GABRA5: variants seen among roughly 807,000 people sequenced by gnomAD.
GABRA5 encodes the protein gamma-aminobutyric acid receptor subunit alpha-5.
A neutral mutation model predicts 47.3 loss-of-function variants in GABRA5; 18 were observed. That is an observed-to-expected ratio of 0.38 (90% CI 0.26 to 0.56). The LOEUF (loss-of-function observed/expected upper bound fraction) is 0.56, where lower values mean the gene tolerates loss of function less well. GABRA5 is among the 20% of genes least tolerant of loss of function. The pLI, the probability that GABRA5 is intolerant of heterozygous loss-of-function variation, is 0.71. For missense variants in GABRA5, 365 were observed against 599.3 expected (o/e 0.61, Z 4.08); for synonymous variants, 237 against 229.3 (o/e 1.03, Z -0.30).
intron 7 of GABRA5, 138 bp from the exon 8 acceptor site, chr15:26,937,047 A>T: frequency 1.0e-6 from 1 of 985,344 alleles, no homozygotes; most frequent in Non-Finnish European, 1.6e-6. Context: ...CAACCACCCT[A>T]TGCATTTTTT....
chr15:26,914,655 A>G, intron 6 of GABRA5, 148 bp from the exon 7 acceptor site: 1 of 636,604 alleles, frequency 1.6e-6, no homozygotes, highest in Non-Finnish European at 2.8e-6. Context: ...ACACAAACTT[A>G]CGTAATTTGG....
intron 7 of GABRA5, among the ~76,000 whole-genome samples, chr15:26,933,253 G>C (rs1314923410): frequency 1.3e-5 from 2 of 152,178 alleles, no homozygotes; most frequent in Non-Finnish European, 2.9e-5. Flanking sequence ...GTGGTGGCCA[G>C]ATATGAAAAG....
Position 26,883,611 on chromosome 15 carries a change from G to C in GABRA5, c.497+54G>C. On this transcript the variant is annotated intron_variant, in intron 6 of 10. Transcript: ENST00000335625. The surrounding 1 kb of genome is among the most constrained non-coding windows in gnomAD (Gnocchi z 4.8). ...CGGGGGACGGTGCGGGGCAGGCGCGGCTGCCCATCCTGCCGCAAGAGCTGC... is the reference window on the plus strand; with the variant it reads ...CGGGGGACGGTGCGGGGCAGGCGCGCCTGCCCATCCTGCCGCAAGAGCTGC... 7.4e-7 allele frequency: 1 copy of C among 1,352,236 alleles called. No individual in the cohort carries two copies. The highest frequency in any genetic ancestry group is 2.6e-5 in the East Asian group (1 of 38,608). The allele number at this position is 1,352,236 out of a possible 1,614,324, so 83.8% of individuals were successfully genotyped here. A position where few individuals can be genotyped will look rare whatever the true frequency, so the allele number is the denominator to read the frequency against.
In GABRA5 at chr15:26,880,980, T is replaced by C. The variant is rs749401866; in HGVS notation, c.208+13T>C. On this transcript the variant is annotated intron_variant, in intron 4 of 10. Coordinates refer to ENST00000335625, the MANE Select transcript of GABRA5 (RefSeq NM_000810.4). ...CCCGGGCTGGGAGGTGAGTGTGCTC[T>C]CCTCAGCTGAGCCCAGCAAGGATCC... 2 of 1,613,310 alleles carry C rather than the reference T, an allele frequency of 1.2e-6. No homozygotes were observed. Among genetic ancestry groups the C allele is most frequent in the South Asian group, 1.1e-5 (1 of 90,942 alleles).
In GABRA5 at chr15:26,937,226, G is replaced by A. The variant is rs755540999; in HGVS notation, c.622G>A (p.Gly208Ser). The A allele has an allele frequency of 2.5e-6, 4 of 1,613,958 alleles. No homozygotes were observed. The highest frequency in any genetic ancestry group is 2.2e-5 in the East Asian group (1 of 44,868). Reference sequence around the variant, plus strand: ...TGAAGTCGTTTACGTCTGGACCAACGGCTCCACCAAGTCGGTGGTGGTGGC... The same window carrying A: ...TGAAGTCGTTTACGTCTGGACCAACAGCTCCACCAAGTCGGTGGTGGTGGC... ...NSEVVYVWTN[G>S]STKSVVVAED... The change falls in exon 8 of 11, where the codon GGC (glycine) becomes AGC (serine). Residue 208 changes from glycine (G) to serine (S), a missense_variant. Gly to Ser is a moderately conservative substitution (Grantham distance 56). This residue lies in a region of GABRA5 where 216 missense variants were observed against 335.3 expected (regional missense o/e 0.64). Transcript: ENST00000335625.
intron 3 of GABRA5, chr15:26,880,444 G>T: frequency 6.3e-6 from 1 of 158,320 alleles, no homozygotes; most frequent in Non-Finnish European, 1.4e-5. Flanking sequence ...GCCCAGTGCA[G>T]GTGACTCTAG....
intron 3 of GABRA5, among the ~76,000 whole-genome samples, chr15:26,876,160 G>C (rs944873871): frequency 6.6e-6 from 1 of 152,188 alleles, no homozygotes; most frequent in African/African-American, 2.4e-5. Context: ...CAGTAGGGAA[G>C]AGGTTTGGGT....
At chr15:26,886,782 G>A (rs1408021533) in intron 6 of GABRA5, among the ~76,000 whole-genome samples, 4 of 152,290 alleles carry the variant, frequency 2.6e-5, no homozygotes, top group Non-Finnish European at 5.9e-5. Flanking sequence ...CTGTTTGTGC[G>A]GAGGAAGAGT....
chr15:26,919,644 CTG>C (rs1458001430), intron 7 of GABRA5, among the ~76,000 whole-genome samples: 1 of 152,014 alleles, frequency 6.6e-6, no homozygotes, highest in Non-Finnish European at 1.5e-5. Context: ...TTATTCATCA[CTG>C]TTACAATAAT....
chr15:26,930,699 G>A (rs1894080417), intron 7 of GABRA5, among the ~76,000 whole-genome samples: 1 of 152,036 alleles, frequency 6.6e-6, no homozygotes, highest in African/African-American at 2.4e-5. Flanking sequence ...GCCCTCACCA[G>A]AGTTGCTTTA....
intron 7 of GABRA5, among the ~76,000 whole-genome samples, chr15:26,924,701 A>T (rs1004345654): frequency 4.6e-5 from 7 of 152,188 alleles, no homozygotes; most frequent in Admixed American, 3.3e-4. Context: ...GGAATAGGGC[A>T]GGGCCACGTT....
intron 7 of GABRA5, among the ~76,000 whole-genome samples, chr15:26,933,806 T>G (rs1317205975): frequency 6.6e-6 from 1 of 152,176 alleles, no homozygotes; most frequent in Non-Finnish European, 1.5e-5. Flanking sequence ...ACTGTCAAAT[T>G]TAAAGCAGAG....
chr15:26,943,339 G>A lies in GABRA5; in HGVS notation c.1002G>A (p.Ala334=), dbSNP rs753529884. 8.8e-6 allele frequency: 14 copies of A among 1,596,108 alleles called. No individual in the cohort carries two copies. Among genetic ancestry groups the A allele is most frequent in the East Asian group, 2.3e-5 (1 of 44,034 alleles). ...TGTGCTATGCCTTCGTCTTCTCGGCGCTGATAGAGTTTGCCACGGTCAATT... is the reference window on the plus strand; with the variant it reads ...TGTGCTATGCCTTCGTCTTCTCGGCACTGATAGAGTTTGCCACGGTCAATT... ...IAVCYAFVFS[A]LIEFATVNYF... is the part of the protein sequence containing the mutation. Residue 334 remains alanine, a synonymous_variant, in exon 10 of 11, where the codon GCG becomes GCA. Coordinates refer to ENST00000335625, the MANE Select transcript of GABRA5 (RefSeq NM_000810.4).
At chr15:26,943,573 T>C (rs1324515607) in intron 10 of GABRA5, 147 bp downstream of exon 10, 3 of 717,436 alleles carry the variant, frequency 4.2e-6, no homozygotes, top group Admixed American at 2.5e-5. Flanking sequence ...CCTTACCAAG[T>C]CTTACTGACA....
intron 6 of GABRA5, among the ~76,000 whole-genome samples, chr15:26,900,946 G>A (rs1893313317): frequency 6.6e-6 from 1 of 151,966 alleles, no homozygotes; most frequent in Non-Finnish European, 1.5e-5. Flanking sequence ...CAAATAGTTA[G>A]AATCATACCG....
intron 6 of GABRA5, among the ~76,000 whole-genome samples, chr15:26,905,509 C>A (rs570639457): frequency 1.3e-5 from 2 of 152,092 alleles, no homozygotes; most frequent in South Asian, 2.1e-4. Context: ...TATTGAGTTT[C>A]TTTTCCTTCA....
chr15:26,939,256 C>T, intron 8 of GABRA5: 1 of 765,342 alleles, frequency 1.3e-6, no homozygotes, highest in Non-Finnish European at 2.4e-6. Context: ...GTGAGGACGG[C>T]ATCATTCTCA....
intron 7 of GABRA5, among the ~76,000 whole-genome samples, chr15:26,926,333 A>T (rs1893961781): frequency 6.6e-6 from 1 of 152,186 alleles, no homozygotes; most frequent in African/African-American, 2.4e-5. Context: ...CAAGAATTTC[A>T]TTTTATATTA....
At chr15:26,869,552 G>GA (rs951443492) in intron 3 of GABRA5, among the ~76,000 whole-genome samples, 7 of 152,152 alleles carry the variant, frequency 4.6e-5, no homozygotes, top group African/African-American at 1.4e-4. Flanking sequence ...GTGAGTCAGA[G>GA]AAAAAAAGGC....
Sources: allele counts gnomAD v4.1 joint callset (sites outside exome capture counted in the v4.1 genomes callset), GRCh38; gene constraint gnomAD v4.1.1; regional missense constraint gnomAD v4.1.1; non-coding constraint Gnocchi (gnomAD v3.1); transcripts MANE v1.5; gene names NCBI Gene and HGNC (gene_info 2026-07-23, HGNC 2026-07-21).